The following COL25A1 variants were observed in gnomAD, a reference collection of about 807,000 sequenced individuals.
The protein encoded by COL25A1 is collagen type XXV alpha 1 chain, also known as collagen alpha-1(XXV) chain.
A neutral mutation model predicts 128.4 loss-of-function variants in COL25A1; 103 were observed. That is an observed-to-expected ratio of 0.80 (90% CI 0.68 to 0.94). The LOEUF (loss-of-function observed/expected upper bound fraction) is 0.94. Among genes scored for constraint, COL25A1 ranks in the 40% least tolerant of loss-of-function variants. The pLI, the probability that COL25A1 is intolerant of heterozygous loss-of-function variation, is 0.00. For missense variants in COL25A1, 745 were observed against 840.0 expected, an observed-to-expected ratio of 0.89 and a Z score of 1.40; for synonymous variants, 279 against 277.2, an observed-to-expected ratio of 1.01 and a Z score of -0.06.
At chr4:109,053,131 T>C (rs928598748) in intron 3 of COL25A1, among the ~76,000 whole-genome samples, 2 of 152,036 alleles carry the variant, frequency 1.3e-5, no homozygotes, top group Non-Finnish European at 2.9e-5. Flanking sequence ...GAAGAATGAA[T>C]TACAGAAAAC....
At chr4:109,131,939 T>C (rs767988503) in intron 3 of COL25A1, among the ~76,000 whole-genome samples, 35 of 152,182 alleles carry the variant, frequency 2.3e-4, no homozygotes, top group Non-Finnish European at 4.0e-4. Flanking sequence ...CTCTTCATAC[T>C]ACCAGGGACT....
chr4:109,102,671 C>T (rs1041362573), intron 3 of COL25A1, among the ~76,000 whole-genome samples: 13 of 152,142 alleles, frequency 8.5e-5, no homozygotes, highest in African/African-American at 3.1e-4. Flanking sequence ...CATATACTTA[C>T]AAGCTCTGTT....
chr4:109,000,034 A>G (rs951527441), intron 6 of COL25A1, among the ~76,000 whole-genome samples: 2 of 152,088 alleles, frequency 1.3e-5, no homozygotes, highest in African/African-American at 4.8e-5. Context: ...GTTGATGAGT[A>G]TATCAAACTA....
At chr4:108,976,148 G>A (rs1752417934) in intron 6 of COL25A1, among the ~76,000 whole-genome samples, 1 of 151,958 alleles carries the variant, frequency 6.6e-6, no homozygotes, top group Non-Finnish European at 1.5e-5. Flanking sequence ...GTCATAAAGA[G>A]GGCTTTCCAT....
chr4:108,916,822 G>A (rs1744932693), intron 13 of COL25A1, among the ~76,000 whole-genome samples: 1 of 152,134 alleles, frequency 6.6e-6, no homozygotes, highest in South Asian at 2.1e-4. Flanking sequence ...ATGTAGCTGC[G>A]ACATGGGCGG....
chr4:109,277,804 G>A (rs111680302), intron 3 of COL25A1, among the ~76,000 whole-genome samples: 3,378 of 152,222 alleles, frequency 0.022, 132 homozygotes, highest in African/African-American at 0.076. Flanking sequence ...TGACTTGCAT[G>A]TAAATATAAT....
intron 6 of COL25A1, among the ~76,000 whole-genome samples, chr4:108,979,897 A>C (rs903406133): frequency 2.0e-5 from 3 of 152,116 alleles, no homozygotes; most frequent in African/African-American, 7.2e-5. Context: ...AGTTGAAAAG[A>C]TGCTATTGGA....
At chr4:108,988,923 T>TC (rs1753916048) in intron 6 of COL25A1, among the ~76,000 whole-genome samples, 1 of 152,144 alleles carries the variant, frequency 6.6e-6, no homozygotes, top group African/African-American at 2.4e-5. Context: ...TGTCTTTTCT[T>TC]CCCCTCTACA....
intron 19 of COL25A1, among the ~76,000 whole-genome samples, chr4:108,883,888 C>A (rs1185649024): frequency 6.6e-6 from 1 of 152,022 alleles, no homozygotes; most frequent in African/African-American, 2.4e-5. Flanking sequence ...GGTAAAGAGA[C>A]ATTTTAGACT....
intron 5 of COL25A1, among the ~76,000 whole-genome samples, chr4:109,040,955 T>C (rs898631095): frequency 3.3e-5 from 5 of 152,172 alleles, no homozygotes; most frequent in African/African-American, 9.7e-5. Context: ...TAAAATGTTA[T>C]CCTGTTTCCT....
At chr4:108,970,486 T>C (rs895451162) in intron 8 of COL25A1, among the ~76,000 whole-genome samples, 1 of 152,238 alleles carries the variant, frequency 6.6e-6, no homozygotes, top group African/African-American at 2.4e-5. Flanking sequence ...TATGTTGTTT[T>C]GAAATATGTA....
At chr4:108,933,508 C>A (rs1438008444) in intron 11 of COL25A1, among the ~76,000 whole-genome samples, 1 of 152,162 alleles carries the variant, frequency 6.6e-6, no homozygotes, top group Non-Finnish European at 1.5e-5. Flanking sequence ...ATAAATTACA[C>A]TCTTAATTGC....
intron 3 of COL25A1, among the ~76,000 whole-genome samples, chr4:109,294,819 G>C (rs181634533): frequency 1.5e-3 from 233 of 152,170 alleles, no homozygotes; most frequent in African/African-American, 5.5e-3. Context: ...GTCTTGTGAG[G>C]TTCCCTGAAA....
At chr4:109,179,871 T>C (rs1274091378) in intron 3 of COL25A1, among the ~76,000 whole-genome samples, 1 of 152,336 alleles carries the variant, frequency 6.6e-6, no homozygotes, top group South Asian at 2.1e-4. Context: ...ATGAAATCAA[T>C]AGGGATTTTC....
chr4:109,053,566 C>T (rs1423223431), intron 3 of COL25A1, among the ~76,000 whole-genome samples: 1 of 152,136 alleles, frequency 6.6e-6, no homozygotes, highest in Non-Finnish European at 1.5e-5. Flanking sequence ...CCTTCCCTGG[C>T]TCATCAGGTG....
chr4:108,809,476 A>AGATGT lies in COL25A1; in HGVS notation c.*4446_*4450dup, dbSNP rs1730629873. 1 of 152,082 alleles carries AGATGT rather than the reference A, an allele frequency of 6.6e-6. No individual in the cohort carries two copies. Among genetic ancestry groups the AGATGT allele is most frequent in the Admixed American group, 6.6e-5 (1 of 15,256 alleles). The allele number at this position is 152,082 out of a possible 1,614,324, so 9.4% of individuals were successfully genotyped here. On this transcript the variant is annotated 3_prime_UTR_variant, in exon 38 of 38. Coordinates refer to ENST00000399132, the MANE Select transcript of COL25A1 (RefSeq NM_198721.4). Reference sequence around the variant, plus strand: ...GTAAGAATATCAACTACATTTTGAGAGATGTTGGTACTTTCTTTGTTAAGT... The same window carrying AGATGT: ...GTAAGAATATCAACTACATTTTGAGAGATGTGATGTTGGTACTTTCTTTGTTAAGT...
At chr4:108,990,362 C>A (rs377559658) in intron 6 of COL25A1, among the ~76,000 whole-genome samples, 10 of 145,096 alleles carry the variant, frequency 6.9e-5, no homozygotes, top group African/African-American at 2.1e-4. Flanking sequence ...TTTTTAAAGT[C>A]TGAAATATTT....
At chr4:108,873,096 T>TTG (rs1007422973) in intron 19 of COL25A1, among the ~76,000 whole-genome samples, 40 of 152,218 alleles carry the variant, frequency 2.6e-4, no homozygotes, top group African/African-American at 8.4e-4. Flanking sequence ...TCTTGCTATG[T>TTG]TGCCCAGGCT....
At chr4:108,946,754 C>T (rs1254570307) in intron 8 of COL25A1, among the ~76,000 whole-genome samples, 1 of 152,086 alleles carries the variant, frequency 6.6e-6, no homozygotes, top group East Asian at 1.9e-4. Flanking sequence ...TTTCAGGAGC[C>T]ATGGAAGACC....
Sources: gnomAD v4.1 joint callset for allele counts (sites outside exome capture counted in the v4.1 genomes callset) on GRCh38, gnomAD v4.1.1 for gene constraint, MANE v1.5 for transcripts, NCBI Gene and HGNC (gene_info 2026-07-23, HGNC 2026-07-21) for gene names.